The following ZFP64 variants were observed in gnomAD, a reference collection of about 807,000 sequenced individuals.
ZFP64 encodes the protein ZFP64 zinc finger protein.
Under a neutral mutation model 51.6 loss-of-function variants are expected in ZFP64, and 14 were observed. That is an observed-to-expected ratio of 0.27 (90% CI 0.18 to 0.42). The LOEUF (loss-of-function observed/expected upper bound fraction) is 0.42, where lower values mean the gene tolerates loss of function less well. Among genes scored for constraint, ZFP64 ranks in the 10% least tolerant of loss-of-function variants. ZFP64 has a pLI of 1.00. For synonymous variants in ZFP64, 375 were observed against 361.4 expected, an observed-to-expected ratio of 1.04 and a Z score of -0.43; for missense variants, 754 against 906.8, an observed-to-expected ratio of 0.83 and a Z score of 2.16.
In ZFP64 at chr20:52,152,909, T is replaced by C; in HGVS notation, c.1283A>G (p.Asp428Gly). The C allele has an allele frequency of 1.2e-6, 2 of 1,613,976 alleles. No individual in the cohort carries two copies. Among genetic ancestry groups the C allele is most frequent in the Non-Finnish European group, 1.7e-6 (2 of 1,180,028 alleles). ...KLDAKKSFHC[D>G]ICDASFMRED... ...CCGCATGAAGGAGGCATCGCATATA[T>C]CGCAGTGGAAACTCTTCTTGGCATC... The change falls in exon 6 of 6, where the codon GAT becomes GGT. Residue 428 changes from aspartate to glycine, a missense_variant. Transcript: ENST00000216923.
chr20:52,100,254 T>A (rs7271275), intron 5 of ZFP64, among the ~76,000 whole-genome samples: 114,401 of 150,786 alleles, frequency 0.76, 43,522 homozygotes, highest in African/African-American at 0.82. Context: ...CTCCCAAAGT[T>A]TTTTTTTTTG....
At chr20:52,136,905 C>T (rs1166700488) in intron 5 of ZFP64, among the ~76,000 whole-genome samples, 1 of 152,158 alleles carries the variant, frequency 6.6e-6, no homozygotes, top group African/African-American at 2.4e-5. Context: ...GCCGGGACTA[C>T]AGGCATCCAC....
intron 5 of ZFP64, among the ~76,000 whole-genome samples, chr20:52,159,525 T>C (rs1981598983): frequency 6.6e-6 from 1 of 152,198 alleles, no homozygotes; most frequent in African/African-American, 2.4e-5. Context: ...CCTATTTTAC[T>C]GAGAAAGGCT....
chr20:52,095,374 A>C (rs940638392), intron 7 of ZFP64, among the ~76,000 whole-genome samples: 3 of 152,210 alleles, frequency 2.0e-5, no homozygotes, highest in Middle Eastern at 3.2e-3. Flanking sequence ...GCAAAGCAAC[A>C]GCCTGGGTCC....
chr20:52,164,795 C>G lies in ZFP64; in HGVS notation c.449-38G>C, dbSNP rs368600536. 2.0e-5 allele frequency: 31 copies of G among 1,578,266 alleles called. No individual in the cohort carries two copies. The African/African-American group carries it at 3.8e-4, about 19-fold the overall frequency. ...AGGAAAGATTAATTACAAAGGAAAA[C>G]TTAGTAACTTTTAGCATGGAGAAAA... On this transcript the variant is annotated intron_variant, in intron 3 of 5. Transcript: ENST00000216923.
chr20:52,107,186 G>A (rs1335859826), intron 5 of ZFP64, among the ~76,000 whole-genome samples: 1 of 152,192 alleles, frequency 6.6e-6, no homozygotes, highest in Non-Finnish European at 1.5e-5. Context: ...GAAGTTGAAA[G>A]AGGGGTGCAT....
At chr20:52,165,807 T>A in intron 3 of ZFP64, 57 bp downstream of exon 3, 15 of 1,610,118 alleles carry the variant, frequency 9.3e-6, no homozygotes, top group Non-Finnish European at 1.3e-5. Context: ...GGAGGAGCCC[T>A]GGAGCCTGGT....
chr20:52,156,340 C>T (rs796426153), intron 5 of ZFP64, among the ~76,000 whole-genome samples: 38 of 152,332 alleles, frequency 2.5e-4, no homozygotes, highest in African/African-American at 8.9e-4. Flanking sequence ...TGTTTAGTAA[C>T]TTGAAACAAG....
At position 52,106,172 on chromosome 20, in the gene ZFP64, C is replaced by T. The variant is rs117425606; in HGVS notation, c.764-7585G>A. 0.013 allele frequency among the ~76,000 whole-genome samples: 1,914 copies of T among 152,246 alleles called. 126 individuals carry two copies. The East Asian group carries it at 0.18, about 15-fold the overall frequency. On this transcript the variant is annotated intron_variant, in intron 5 of 8. Coordinates refer to the ZFP64 transcript ENST00000361387. ...GGCGCCGGCCCCGCCCAGCAGGTGACGGAGGCGTGGTCCTCGGGGGGTTGA... is the reference window on the plus strand; with the variant it reads ...GGCGCCGGCCCCGCCCAGCAGGTGATGGAGGCGTGGTCCTCGGGGGGTTGA...
intron 7 of ZFP64, among the ~76,000 whole-genome samples, chr20:52,090,859 T>C (rs1267416789): frequency 2.8e-5 from 4 of 143,540 alleles, no homozygotes; most frequent in South Asian, 2.3e-4. Flanking sequence ...CCCAACACTT[T>C]TGAGAGGATC....
chr20:52,084,786 T>C, exon 9 of ZFP64: 1 of 1,614,220 alleles, frequency 6.2e-7, no homozygotes, highest in East Asian at 2.2e-5. Flanking sequence ...CTTGGCCACG[T>C]GCTGGGAGCT....
intron 5 of ZFP64, among the ~76,000 whole-genome samples, chr20:52,121,924 T>A (rs1260990249): frequency 6.6e-6 from 1 of 152,214 alleles, no homozygotes; most frequent in Non-Finnish European, 1.5e-5. Flanking sequence ...CCTAAGGCCC[T>A]TAAGAATGAT....
At chr20:52,185,579 C>CTT (rs11472663) in intron 2 of ZFP64, among the ~76,000 whole-genome samples, 12,824 of 127,746 alleles carry the variant, frequency 0.1, 877 homozygotes, top group Non-Finnish European at 0.12. Flanking sequence ...CCACTTTGCA[C>CTT]TTTTTTTTTT....
At position 52,164,759 on chromosome 20, in the gene ZFP64, T is replaced by TAAAA; in HGVS notation, c.449-6_449-3dup. The TAAAA allele has an allele frequency of 2.6e-5, 36 of 1,404,232 alleles. No homozygotes were observed. Among genetic ancestry groups the TAAAA allele is most frequent in the Non-Finnish European group, 3.3e-5 (34 of 1,018,250 alleles). The allele number at this position is 1,404,232 out of a possible 1,614,324, so 87.0% of individuals were successfully genotyped here. ...CATAAGCAGTCTTGAATTGGCAACC[T>TAAAA]AAAAAAAAAAAGGAAAGATTAATTA... On this transcript the variant is annotated splice_region_variant and splice_polypyrimidine_tract_variant and intron_variant, in intron 3 of 5. Transcript: ENST00000216923.
intron 5 of ZFP64, among the ~76,000 whole-genome samples, chr20:52,125,002 G>A (rs892871317): frequency 6.6e-5 from 10 of 152,188 alleles, no homozygotes; most frequent in Admixed American, 6.5e-4. Context: ...CATTTGTGGT[G>A]TGCTGGGGCA....
intron 5 of ZFP64, among the ~76,000 whole-genome samples, chr20:52,101,940 C>CAAAAAAA (rs1190342919): frequency 1.3e-5 from 1 of 77,686 alleles, no homozygotes; most frequent in Non-Finnish European, 2.6e-5. Context: ...CTAAAAATAC[C>CAAAAAAA]AAAAAAAAAA....
intron 2 of ZFP64, among the ~76,000 whole-genome samples, chr20:52,183,465 G>A (rs890224663): frequency 1.3e-5 from 2 of 152,146 alleles, no homozygotes; most frequent in African/African-American, 4.8e-5. Context: ...CTACGATAAG[G>A]GGCAAAACAC....
At chr20:52,092,775 G>A (rs780849369) in intron 7 of ZFP64, among the ~76,000 whole-genome samples, 1 of 152,156 alleles carries the variant, frequency 6.6e-6, no homozygotes, top group Non-Finnish European at 1.5e-5. Context: ...AGAATCACTT[G>A]AACCAGGGAG....
intron 5 of ZFP64, chr20:52,110,528 C>A: frequency 1.4e-6 from 1 of 723,064 alleles, no homozygotes; most frequent in East Asian, 2.5e-5. Context: ...AGGTATTGCT[C>A]GGCCCAGTTC....
Sources: gnomAD v4.1 joint callset for allele counts (sites outside exome capture counted in the v4.1 genomes callset) on GRCh38, gnomAD v4.1.1 for gene constraint, MANE v1.5 for transcripts, NCBI Gene and HGNC (gene_info 2026-07-23, HGNC 2026-07-21) for gene names.